CDH11: variants seen among roughly 807,000 people sequenced by gnomAD.
CDH11 encodes the protein cadherin 11.
In CDH11, 11 loss-of-function variants were observed where a neutral mutation model predicts 67.8. That is an observed-to-expected ratio of 0.16 (90% CI 0.10 to 0.27). CDH11 has a LOEUF of 0.27. Among genes scored for constraint, CDH11 ranks in the 10% least tolerant of loss-of-function variants. The probability of loss-of-function intolerance (pLI) is 1.00; values close to 1 mark genes in which losing one functional copy is unlikely to be tolerated. For synonymous variants in CDH11, 419 were observed against 400.0 expected, an observed-to-expected ratio of 1.05 and a Z score of -0.57; for missense variants, 847 against 1,031.2, an observed-to-expected ratio of 0.82 and a Z score of 2.45.
chr16:65,016,272 C>T (rs947211847), intron 2 of CDH11, among the ~76,000 whole-genome samples: 2 of 152,086 alleles, frequency 1.3e-5, no homozygotes, highest in East Asian at 3.9e-4. Flanking sequence ...ATCTTTGAAA[C>T]CTATTTCTTT....
At chr16:65,009,678 T>G (rs928199990) in intron 2 of CDH11, among the ~76,000 whole-genome samples, 1 of 152,168 alleles carries the variant, frequency 6.6e-6, no homozygotes, top group African/African-American at 2.4e-5. Flanking sequence ...TCTTGAACAA[T>G]CCATTAAAAC....
intron 6 of CDH11, among the ~76,000 whole-genome samples, chr16:64,990,020 G>A (rs2072590904): frequency 6.6e-6 from 1 of 152,110 alleles, no homozygotes; most frequent in South Asian, 2.1e-4. Context: ...GGAAGTGGGA[G>A]TCCCTTGTAG....
At chr16:64,987,029 C>T (rs1361954688) in intron 7 of CDH11, 1 of 152,078 alleles carries the variant, frequency 6.6e-6, no homozygotes, top group Non-Finnish European at 1.5e-5. Context: ...AGAGTCCAGT[C>T]TTTTCCATCG....
chr16:65,022,793 G>A (rs980309714), intron 2 of CDH11, among the ~76,000 whole-genome samples: 2 of 152,094 alleles, frequency 1.3e-5, no homozygotes, highest in African/African-American at 4.8e-5. Flanking sequence ...CCCAAGTACT[G>A]GCCAGTGAGG....
chr16:65,040,207 A>C (rs1233268272), intron 2 of CDH11, among the ~76,000 whole-genome samples: 2 of 152,240 alleles, frequency 1.3e-5, no homozygotes, highest in African/African-American at 2.4e-5. Flanking sequence ...ATTACTGGGT[A>C]TATACCCAAA....
intron 1 of CDH11, chr16:65,094,495 T>C (rs1042683326): frequency 2.6e-5 from 4 of 151,976 alleles, no homozygotes; most frequent in Admixed American, 1.3e-4. Context: ...TGCAGGTGTA[T>C]ATATAGACAC....
At chr16:64,973,129 G>C in intron 8 of CDH11, 89 bp from the exon 9 acceptor site, 1 of 1,225,702 alleles carries the variant, frequency 8.2e-7, no homozygotes. Flanking sequence ...TTTAAATCAA[G>C]CTTCTCAATG....
chr16:65,096,875 C>T (rs1482739500), intron 1 of CDH11, among the ~76,000 whole-genome samples: 1 of 152,068 alleles, frequency 6.6e-6, no homozygotes, highest in Non-Finnish European at 1.5e-5. Context: ...GTTTTAACTC[C>T]CTTGAATGAC....
At chr16:65,114,820 C>T (rs1330947502) in intron 1 of CDH11, among the ~76,000 whole-genome samples, 1 of 152,112 alleles carries the variant, frequency 6.6e-6, no homozygotes, top group East Asian at 1.9e-4. Flanking sequence ...AGGGTGAGGA[C>T]TCCGTTATTT....
chr16:65,108,434 C>T (rs1403153017), intron 1 of CDH11, among the ~76,000 whole-genome samples: 3 of 152,104 alleles, frequency 2.0e-5, no homozygotes, highest in Non-Finnish European at 2.9e-5. Flanking sequence ...AGTGACACTC[C>T]ATTTATAAAG....
chr16:64,955,159 T>A lies in CDH11; in HGVS notation c.1643-4141A>T, dbSNP rs953182042. Among the ~76,000 whole-genome samples, 14 of 152,060 alleles carry A rather than the reference T, an allele frequency of 9.2e-5. No homozygotes were observed. In the South Asian group the frequency reaches 2.5e-3, roughly 27 times the overall value. On this transcript the variant is annotated intron_variant, in intron 11 of 12. Coordinates refer to ENST00000268603, the MANE Select transcript of CDH11 (RefSeq NM_001797.4). ...TACTCGGGAGGCTGAGGCAGGAGAA[T>A]GGCATGAACCCGGGAGGCAGAGCTT...
chr16:65,080,249 G>T (rs954351667), intron 1 of CDH11, among the ~76,000 whole-genome samples: 6 of 149,346 alleles, frequency 4.0e-5, no homozygotes, highest in African/African-American at 1.5e-4. Flanking sequence ...GGGCTACTCG[G>T]TATTTTAACA....
chr16:65,097,667 A>G (rs2074923123), intron 1 of CDH11, among the ~76,000 whole-genome samples: 2 of 152,156 alleles, frequency 1.3e-5, no homozygotes, highest in Non-Finnish European at 2.9e-5. Context: ...AATGTTAAGT[A>G]TAACATACAC....
chr16:64,990,475 C>T (rs1283622966), intron 6 of CDH11, among the ~76,000 whole-genome samples: 1 of 151,944 alleles, frequency 6.6e-6, no homozygotes, highest in African/African-American at 2.4e-5. Context: ...CTGAAAAAGA[C>T]ACTTTCATGA....
chr16:65,062,258 A>G (rs547650757), intron 1 of CDH11, among the ~76,000 whole-genome samples: 1 of 152,348 alleles, frequency 6.6e-6, no homozygotes, highest in East Asian at 1.9e-4. Context: ...ACAGTCTCTT[A>G]CATTTTACCA....
intron 3 of CDH11, among the ~76,000 whole-genome samples, chr16:64,999,578 G>T (rs2072865253): frequency 6.6e-6 from 1 of 151,990 alleles, no homozygotes; most frequent in Non-Finnish European, 1.5e-5. Context: ...CTGTTGCCCA[G>T]GCTGGAGCGC....
intron 2 of CDH11, among the ~76,000 whole-genome samples, chr16:65,019,592 G>A (rs1043601672): frequency 9.2e-5 from 14 of 151,842 alleles, no homozygotes; most frequent in South Asian, 2.1e-4. Context: ...AGTTTAATTC[G>A]TTTGACCATA....
intron 2 of CDH11, among the ~76,000 whole-genome samples, chr16:65,014,973 A>T (rs1156683242): frequency 6.6e-6 from 1 of 151,162 alleles, no homozygotes; most frequent in Non-Finnish European, 1.5e-5. Flanking sequence ...CTCCTGCCTC[A>T]GCCTCCTGAG....
chr16:64,988,611 A>G (rs2072549936), intron 6 of CDH11, among the ~76,000 whole-genome samples: 1 of 152,130 alleles, frequency 6.6e-6, no homozygotes. Context: ...GAGAAAAACA[A>G]TGCTCTGTTA....
Sources: allele counts gnomAD v4.1 joint callset (sites outside exome capture counted in the v4.1 genomes callset), GRCh38; gene constraint gnomAD v4.1.1; transcripts MANE v1.5; gene names NCBI Gene and HGNC (gene_info 2026-07-23, HGNC 2026-07-21).